Variants in SLC8A1 observed in about 807,000 individuals in gnomAD.
SLC8A1 encodes sodium/calcium exchanger 1.
Under a neutral mutation model 68.3 loss-of-function variants are expected in SLC8A1, and 18 were observed. The ratio of observed to expected loss-of-function variants is 0.26; its 90% CI spans 0.18 to 0.39. SLC8A1 has a LOEUF of 0.39. Ranked by LOEUF, SLC8A1 falls within the 10% of genes least tolerant of loss-of-function variation. SLC8A1 has a pLI of 1.00. For synonymous variants in SLC8A1, 475 were observed against 415.5 expected (o/e 1.14, Z -1.74); for missense variants, 985 against 1,156.7 (o/e 0.85, Z 2.15).
chr2:40,308,057 C>T (rs912737922), intron 2 of SLC8A1, among the ~76,000 whole-genome samples: 3 of 152,086 alleles, frequency 2.0e-5, no homozygotes, highest in African/African-American at 7.2e-5. Flanking sequence ...TAAACAAACA[C>T]TTTTCAAGCA....
At chr2:40,200,219 T>TATTTATATATATATATAAATATATATA (rs1558722197) in intron 2 of SLC8A1, among the ~76,000 whole-genome samples, 1 of 2,928 alleles carries the variant, frequency 3.4e-4, no homozygotes, top group Non-Finnish European at 9.6e-4. Flanking sequence ...TATATATATA[T>TATTTATATATATATATAAATATATATA]TTTTTTATAT....
intron 6 of SLC8A1, among the ~76,000 whole-genome samples, chr2:40,143,835 G>A (rs190910844): frequency 1.3e-5 from 2 of 152,140 alleles, no homozygotes; most frequent in African/African-American, 2.4e-5. Context: ...CTTGAATTCA[G>A]GGAGAGCTCT....
intron 2 of SLC8A1, among the ~76,000 whole-genome samples, chr2:40,421,748 C>T (rs1695559929): frequency 6.6e-6 from 1 of 152,112 alleles, no homozygotes; most frequent in Non-Finnish European, 1.5e-5. Context: ...TCTACAGCAC[C>T]AAGTCCTCAG....
intron 2 of SLC8A1, among the ~76,000 whole-genome samples, chr2:40,224,275 C>T (rs769772403): frequency 6.6e-6 from 1 of 151,900 alleles, no homozygotes; most frequent in Non-Finnish European, 1.5e-5. Context: ...GACAGAGGCC[C>T]GATTAAAAGG....
chr2:40,497,383 C>A (rs1325956593), intron 1 of SLC8A1, among the ~76,000 whole-genome samples: 1 of 151,934 alleles, frequency 6.6e-6, no homozygotes, highest in African/African-American at 2.4e-5. Flanking sequence ...TTGATATACA[C>A]CCTCAAGGCA....
intron 2 of SLC8A1, among the ~76,000 whole-genome samples, chr2:40,353,141 A>G (rs1671638292): frequency 6.6e-6 from 1 of 152,142 alleles, no homozygotes; most frequent in Non-Finnish European, 1.5e-5. Flanking sequence ...CAAAGGGGTA[A>G]ATTGTTTTCA....
At chr2:40,489,365 A>G (rs1477364341) in intron 1 of SLC8A1, among the ~76,000 whole-genome samples, 3 of 152,130 alleles carry the variant, frequency 2.0e-5, no homozygotes, top group African/African-American at 7.2e-5. Flanking sequence ...TAAGGTGAAC[A>G]TGCCATATAG....
intron 2 of SLC8A1, among the ~76,000 whole-genome samples, chr2:40,318,474 T>G (rs1447429215): frequency 1.3e-5 from 2 of 148,448 alleles, no homozygotes; most frequent in African/African-American, 2.5e-5. Context: ...TTGGTATTAT[T>G]TTTATATCTA....
intron 2 of SLC8A1, among the ~76,000 whole-genome samples, chr2:40,399,697 A>T (rs939706358): frequency 4.6e-5 from 7 of 152,094 alleles, no homozygotes; most frequent in African/African-American, 1.7e-4. Context: ...TTTACCAAGG[A>T]CATTTGGGGG....
chr2:40,295,866 C>G (rs2149249033), intron 2 of SLC8A1, among the ~76,000 whole-genome samples: 1 of 152,182 alleles, frequency 6.6e-6, no homozygotes, highest in Admixed American at 6.5e-5. Context: ...AACTGAAGGC[C>G]AAAATCGCCC....
intron 2 of SLC8A1, among the ~76,000 whole-genome samples, chr2:40,336,656 A>G (rs1250588396): frequency 3.3e-5 from 5 of 152,206 alleles, no homozygotes; most frequent in African/African-American, 4.8e-5. Context: ...TATCATAGAT[A>G]TAGACTGTTA....
At chr2:40,362,844 C>A (rs1373303320) in intron 2 of SLC8A1, among the ~76,000 whole-genome samples, 3 of 152,090 alleles carry the variant, frequency 2.0e-5, no homozygotes, top group Non-Finnish European at 4.4e-5. Flanking sequence ...TAATTATAAA[C>A]TGAACTTGTA....
chr2:40,464,398 G>C (rs770496660), intron 1 of SLC8A1, among the ~76,000 whole-genome samples: 1 of 152,154 alleles, frequency 6.6e-6, no homozygotes, highest in Non-Finnish European at 1.5e-5. Flanking sequence ...CTCCATTGTG[G>C]CATATGAGCA....
chr2:40,351,474 C>G (rs1671062112), intron 2 of SLC8A1, among the ~76,000 whole-genome samples: 1 of 150,010 alleles, frequency 6.7e-6, no homozygotes, highest in African/African-American at 2.5e-5. Context: ...TCCACAGAGA[C>G]TTCCTTGTCT....
chr2:40,219,662 T>G (rs1201146486), intron 2 of SLC8A1, among the ~76,000 whole-genome samples: 7 of 152,198 alleles, frequency 4.6e-5, no homozygotes, highest in Admixed American at 4.6e-4. Flanking sequence ...AGACTTTTAT[T>G]CTAATAAGTT....
At chr2:40,145,992 T>A (rs1007807333) in intron 6 of SLC8A1, among the ~76,000 whole-genome samples, 2 of 152,180 alleles carry the variant, frequency 1.3e-5, no homozygotes, top group African/African-American at 4.8e-5. Flanking sequence ...TTTGGAGATG[T>A]GCAATAAACA....
chr2:40,213,006 A>G (rs993188432), intron 2 of SLC8A1: 3 of 152,242 alleles, frequency 2.0e-5, no homozygotes, highest in Non-Finnish European at 4.4e-5. Context: ...TGGAGGTGAC[A>G]TCATCATTAG....
chr2:40,145,613 C>T (rs985231782), intron 6 of SLC8A1, among the ~76,000 whole-genome samples: 14 of 152,154 alleles, frequency 9.2e-5, no homozygotes, highest in African/African-American at 3.4e-4. Flanking sequence ...TTTCTCTTTT[C>T]TTTAAAGGTT....
intron 2 of SLC8A1, among the ~76,000 whole-genome samples, chr2:40,224,522 C>G (rs1009206308): frequency 5.9e-5 from 9 of 152,206 alleles, no homozygotes; most frequent in Admixed American, 3.9e-4. Context: ...GAGGTTCACA[C>G]ACCTCATCTG....
Sources: allele counts gnomAD v4.1 joint callset (sites outside exome capture counted in the v4.1 genomes callset), GRCh38; gene constraint gnomAD v4.1.1; transcripts MANE v1.5; gene names NCBI Gene and HGNC (gene_info 2026-07-23, HGNC 2026-07-21).